The following DHX16 variants were observed in gnomAD, a reference collection of about 807,000 sequenced individuals.
The protein encoded by DHX16 is pre-mRNA-splicing factor ATP-dependent RNA helicase DHX16.
A neutral mutation model predicts 131.2 loss-of-function variants in DHX16; 81 were observed. The observed-to-expected ratio is 0.62, with a 90% CI of 0.52 to 0.74. The LOEUF is 0.74. Ranked by LOEUF, DHX16 falls within the 30% of genes least tolerant of loss-of-function variation. DHX16 has a pLI of 0.00. For missense variants in DHX16, 980 were observed against 1,363.1 expected (o/e 0.72, Z 4.43); for synonymous variants, 440 against 520.2 (o/e 0.85, Z 2.10).
intron 12 of DHX16, among the ~76,000 whole-genome samples, chr6:30,658,991 A>G (rs905033870): frequency 6.6e-6 from 1 of 152,048 alleles, no homozygotes; most frequent in African/African-American, 2.4e-5. Context: ...GGTTCAAGCG[A>G]TTCTCATGAC....
chr6:30,665,364 CA>C lies in DHX16; in HGVS notation c.922-91del, dbSNP rs1040896175. 3.0e-5 allele frequency: 48 copies of C among 1,585,070 alleles called. No homozygotes were observed. The East Asian group carries it at 1.0e-3, about 33-fold the overall frequency. ...CCCATTACTACCCCCGCCCACTGCC[CA>C]TTGGGAACGGCAAGGCAAGAAAGGG... On this transcript the variant is annotated intron_variant, in intron 5 of 19. Transcript: ENST00000376442. This position sits in a 1 kb window ranked among gnomAD's most constrained non-coding sequence, Gnocchi z 4.8.
At chr6:30,661,967 A>T in intron 9 of DHX16, 3 of 690,582 alleles carry the variant, frequency 4.3e-6, no homozygotes, top group Non-Finnish European at 8.1e-6. Flanking sequence ...AGAGTCAAAA[A>T]GGCACATATT....
intron 4 of DHX16, among the ~76,000 whole-genome samples, chr6:30,667,306 G>A (rs910000601): frequency 6.6e-6 from 1 of 152,110 alleles, no homozygotes; most frequent in African/African-American, 2.4e-5. Flanking sequence ...ATTTCGGCCG[G>A]GCGCGGTGGC....
chr6:30,671,360 A>G, intron 1 of DHX16, 86 bp from the exon 2 acceptor site: 1 of 1,323,950 alleles, frequency 7.6e-7, no homozygotes, highest in Non-Finnish European at 1.1e-6. Flanking sequence ...TTAAGCAATT[A>G]CTTAGTCTTT....
Position 30,662,979 on chromosome 6 carries a change from G to A in DHX16, c.1360C>T (p.Arg454Trp), listed in dbSNP as rs1217230750. 4 of 1,613,502 alleles carry A rather than the reference G, an allele frequency of 2.5e-6. No homozygotes were observed. Among genetic ancestry groups the A allele is most frequent in the Non-Finnish European group, 2.5e-6 (3 of 1,180,028 alleles). The change falls in exon 8 of 20, where the codon CGG (arginine) becomes TGG (tryptophan). Residue 454 changes from arginine to tryptophan, a missense_variant. By Grantham distance (101) the Arg-to-Trp change is moderately radical. This residue lies in a region of DHX16 where 309 missense variants were observed against 537.1 expected (regional missense o/e 0.58). Transcript: ENST00000376442. This position sits in a 1 kb window ranked among gnomAD's most constrained non-coding sequence, Gnocchi z 4.7. ...KGMKIACTQP[R>W]RVAAMSVAAR... is the part of the protein sequence containing the mutation. ...GCCACACTCATGGCAGCCACTCTCC[G>A]GGGTTGGGTGCAGGCAATCTTCATA...
rs1224600820 is a variant in DHX16, at chr6:30,656,501, C to A, written c.2320G>T (p.Asp774Tyr). The change falls in exon 15 of 20, where the codon GAC (aspartate) becomes TAC (tyrosine). Residue 774 changes from aspartate to tyrosine, a missense_variant. By Grantham distance (160) the Asp-to-Tyr change is radical. Transcript: ENST00000376442. The surrounding 1 kb of genome is among the most constrained non-coding windows in gnomAD (Gnocchi z 5.1). ...VLLLKSLGIH[D>Y]LMHFDFLDPP... Reference sequence around the variant, plus strand: ...TCCAGGAAATCAAAGTGCATTAGGTCATGGATCCCTAGAAAGAGGTGTGAT... The same window carrying A: ...TCCAGGAAATCAAAGTGCATTAGGTAATGGATCCCTAGAAAGAGGTGTGAT... 3 of 1,614,186 alleles carry A rather than the reference C, an allele frequency of 1.9e-6. No individual in the cohort carries two copies. The South Asian group carries it at 3.3e-5, about 18-fold the overall frequency.
At position 30,662,550 on chromosome 6, in the gene DHX16, G is replaced by A. The variant is rs1026291231; in HGVS notation, c.1544+77C>T. The A allele has an allele frequency of 2.7e-5, 33 of 1,237,238 alleles. No individual in the cohort carries two copies. The highest frequency in any genetic ancestry group is 3.0e-5 in the African/African-American group (2 of 67,536). The allele number at this position is 1,237,238 out of a possible 1,614,324, so 76.6% of individuals were successfully genotyped here. A position where few individuals can be genotyped will look rare whatever the true frequency, so the allele number is the denominator to read the frequency against. ...ATTTGAACCACAAAGATTCAAGAAC[G>A]GGTGGATTAATCAGAAGACAATGGC... is the stretch of plus-strand genomic sequence containing the variant. On this transcript the variant is annotated intron_variant, in intron 9 of 19. Coordinates refer to ENST00000376442, the MANE Select transcript of DHX16 (RefSeq NM_003587.5). This position sits in a 1 kb window ranked among gnomAD's most constrained non-coding sequence, Gnocchi z 4.7.
chr6:30,661,747 G>A (rs1768533853), intron 9 of DHX16: 1 of 717,414 alleles, frequency 1.4e-6, no homozygotes, highest in South Asian at 1.5e-5. Context: ...TCAACTCTTT[G>A]TGCCTAACCC....
At chr6:30,672,600 C>G (rs557112852) in intron 1 of DHX16, 35 bp downstream of exon 1, 4 of 1,574,656 alleles carry the variant, frequency 2.5e-6, no homozygotes, top group African/African-American at 1.3e-5. Context: ...CTCACCGGGA[C>G]AAATCACAGG....
chr6:30,668,401 A>C (rs1301444609), intron 4 of DHX16, among the ~76,000 whole-genome samples: 2 of 152,194 alleles, frequency 1.3e-5, no homozygotes, highest in African/African-American at 4.8e-5. Flanking sequence ...CTGTAATCTT[A>C]ACATTTTGGG....
chr6:30,658,722 A>G (rs567616457), intron 12 of DHX16, among the ~76,000 whole-genome samples: 1 of 152,000 alleles, frequency 6.6e-6, no homozygotes, highest in East Asian at 1.9e-4. Context: ...AAAAAGAAAA[A>G]TAAATAAAGT....
At position 30,672,692 on chromosome 6, in the gene DHX16, A is replaced by C. The variant is rs753333285; in HGVS notation, c.150T>G (p.Thr50=). Residue 50 remains threonine, a synonymous_variant, in exon 1 of 20, where the codon ACT becomes ACG. Coordinates refer to ENST00000376442, the MANE Select transcript of DHX16 (RefSeq NM_003587.5). ...AEEFVQRLRD[T]DTLDLSGPAR... is the part of the protein sequence containing the mutation. Reference sequence around the variant, plus strand: ...CCGGCCCACTGAGATCCAAGGTATCAGTGTCTCGTAGGCGCTGCACGAACT... The same window carrying C: ...CCGGCCCACTGAGATCCAAGGTATCCGTGTCTCGTAGGCGCTGCACGAACT... 6.2e-7 allele frequency: 1 copy of C among 1,612,864 alleles called. No homozygotes were observed. Among genetic ancestry groups the C allele is most frequent in the African/African-American group, 1.3e-5 (1 of 74,914 alleles).
At position 30,670,866 on chromosome 6, in the gene DHX16, C is replaced by A; in HGVS notation, c.533G>T (p.Arg178Leu). ...TCGAACCCGCTCAGCAAAGGCATCA[C>A]GCTCCTCCAGGTCCTGAAGGCGTTC... ...ERERLQDLEERDAFAERVRQR... is the reference protein window; with the variant it reads ...ERERLQDLEELDAFAERVRQR... Residue 178 changes from arginine to leucine, a missense_variant, in exon 3 of 20, where the codon CGT becomes CTT. Coordinates refer to ENST00000376442, the MANE Select transcript of DHX16 (RefSeq NM_003587.5). This position sits in a 1 kb window ranked among gnomAD's most constrained non-coding sequence, Gnocchi z 4.4. 1 of 1,613,070 alleles carries A rather than the reference C, an allele frequency of 6.2e-7. No individual in the cohort carries two copies.
rs913378227 is a variant in DHX16, at chr6:30,656,633, T to C, written c.2275A>G (p.Ser759Gly). Residue 759 changes from serine to glycine, a missense_variant, in exon 14 of 20, where the codon AGC (serine) becomes GGC (glycine). By Grantham distance (56) the Ser-to-Gly change is moderately conservative. Coordinates refer to ENST00000376442, the MANE Select transcript of DHX16 (RefSeq NM_003587.5). This position sits in a 1 kb window ranked among gnomAD's most constrained non-coding sequence, Gnocchi z 5.1. Reference sequence around the variant, plus strand: ...AGCAGCAACACGACATTGCCCAAGCTGGTCCTCTGGATCTCAGGCACTGTG... The same window carrying C: ...AGCAGCAACACGACATTGCCCAAGCCGGTCCTCTGGATCTCAGGCACTGTG... ...ETTVPEIQRTSLGNVVLLLKS... is the reference protein window; with the variant it reads ...ETTVPEIQRTGLGNVVLLLKS... The C allele has an allele frequency of 6.2e-7, 1 of 1,614,046 alleles. No homozygotes were observed. Among genetic ancestry groups the C allele is most frequent in the African/African-American group, 1.3e-5 (1 of 74,912 alleles).
chr6:30,660,586 A>G, intron 9 of DHX16: 1 of 249,796 alleles, frequency 4.0e-6, no homozygotes, highest in Non-Finnish European at 7.6e-6. Flanking sequence ...AAGTTGAAGG[A>G]TATGTTTTAG....
chr6:30,672,760 G>C lies in DHX16; in HGVS notation c.82C>G (p.Gln28Glu), dbSNP rs764895636. Residue 28 changes from glutamine to glutamate, a missense_variant, in exon 1 of 20, where the codon CAG (glutamine) becomes GAG (glutamate). Physicochemically the swap from Gln to Glu is conservative, Grantham distance 29. This residue lies in a region of DHX16 where 457 missense variants were observed against 554.8 expected (regional missense o/e 0.82). Coordinates refer to ENST00000376442, the MANE Select transcript of DHX16 (RefSeq NM_003587.5). ...VLGLSERHVA[Q>E]FLIGTAQRCT... The stretch of plus-strand genomic sequence containing the variant: ...CGCTGTGCGGTACCGATCAGAAACT[G>C]GGCGACGTGCCGCTCGCTCAGCCCC... The C allele has an allele frequency of 3.7e-6, 6 of 1,612,932 alleles. No individual in the cohort carries two copies. In the African/African-American group the frequency reaches 6.7e-5, roughly 18 times the overall value.
In DHX16 at chr6:30,655,471, G is replaced by T. The variant is rs758167283; in HGVS notation, c.2625C>A (p.Gly875=). The T allele has an allele frequency of 4.3e-6, 7 of 1,613,504 alleles. No homozygotes were observed. The highest frequency in any genetic ancestry group is 1.6e-4 in the Middle Eastern group (1 of 6,062). The change falls in exon 17 of 20, where the codon GGC becomes GGA. Residue 875 remains glycine, a synonymous_variant. Transcript: ENST00000376442. Reference sequence around the variant, plus strand: ...CATTTAGCAGAACCAGGTGGTCACCGCCAGGGAGAAAGAAGTTGACACGGG... The same window carrying T: ...CATTTAGCAGAACCAGGTGGTCACCTCCAGGGAGAAAGAAGTTGACACGGG... ...DNARVNFFLP[G]GDHLVLLNVY...
In DHX16 at chr6:30,656,784, G is replaced by A. The variant is rs774992447; in HGVS notation, c.2149-25C>T. The A allele has an allele frequency of 2.5e-6, 4 of 1,610,360 alleles. No individual in the cohort carries two copies. In the Admixed American group the frequency reaches 6.7e-5, roughly 27 times the overall value. Reference sequence around the variant, plus strand: ...CCTGGAAAGAAAGGGGAACAGGCTGGCTGACAATTTGGTCAGGGAAAAGAA... The same window carrying A: ...CCTGGAAAGAAAGGGGAACAGGCTGACTGACAATTTGGTCAGGGAAAAGAA... On this transcript the variant is annotated intron_variant, in intron 13 of 19. Coordinates refer to ENST00000376442, the MANE Select transcript of DHX16 (RefSeq NM_003587.5). The surrounding 1 kb of genome is among the most constrained non-coding windows in gnomAD (Gnocchi z 5.1).
chr6:30,654,506 C>T (rs187894767), intron 19 of DHX16, among the ~76,000 whole-genome samples, 200 bp downstream of exon 19: 21 of 150,928 alleles, frequency 1.4e-4, no homozygotes, highest in South Asian at 1.1e-3. Flanking sequence ...GGCTAGATTG[C>T]GCCACTGCAC....
Sources: gnomAD v4.1 joint callset for allele counts (sites outside exome capture counted in the v4.1 genomes callset) on GRCh38, gnomAD v4.1.1 for gene constraint, gnomAD v4.1.1 regional missense constraint, Gnocchi (gnomAD v3.1) non-coding constraint, MANE v1.5 for transcripts, NCBI Gene and HGNC (gene_info 2026-07-23, HGNC 2026-07-21) for gene names.